Variants in SPTB observed in about 807,000 individuals in gnomAD.
The protein encoded by SPTB is spectrin beta, erythrocytic.
In SPTB, 45 loss-of-function variants were observed where a neutral mutation model predicts 256.2. That is an observed-to-expected ratio of 0.18 (90% CI 0.14 to 0.23). The LOEUF (loss-of-function observed/expected upper bound fraction) is 0.23, where lower values mean the gene tolerates loss of function less well. SPTB is among the 10% of genes least tolerant of loss of function. The pLI is 1.00. For missense variants in SPTB, 2,715 were observed against 3,040.4 expected (o/e 0.89, Z 2.52); for synonymous variants, 1,231 against 1,243.1 (o/e 0.99, Z 0.21).
Position 64,825,975 on chromosome 14 carries a change from GGTTTTT to G in SPTB, c.-51-2836_-51-2831del, listed in dbSNP as rs937595624. 1.6e-3 allele frequency among the ~76,000 whole-genome samples: 240 copies of G among 152,326 alleles called. No individual in the cohort carries two copies. The highest frequency in any genetic ancestry group is 5.3e-3 in the African/African-American group (221 of 41,568). On this transcript the variant is annotated intron_variant, in intron 1 of 35. Transcript: ENST00000644917. This position sits in a 1 kb window ranked among gnomAD's most constrained non-coding sequence, Gnocchi z 4.8. ...TGTGTGTCTAAATATACAGCTGGAG[GGTTTTT>G]GTTTTTGTTTTTGTTTTGGAAAGAG... is the stretch of plus-strand genomic sequence containing the variant.
intron 1 of SPTB, among the ~76,000 whole-genome samples, chr14:64,862,873 C>CAA (rs5809252): frequency 0.68 from 102,295 of 150,120 alleles, 35,748 homozygotes; most frequent in South Asian, 0.84. Flanking sequence ...ACAATAACAA[C>CAA]AAAAAAAAAC....
chr14:64,783,850 G>C (rs914427621), intron 19 of SPTB, among the ~76,000 whole-genome samples: 13 of 152,214 alleles, frequency 8.5e-5, no homozygotes, highest in African/African-American at 3.1e-4. Context: ...CCATCCAAAT[G>C]ATGAGGATTA....
rs1358320408 is a variant in SPTB at position 64,790,018 on chromosome 14, T to C, written c.2804+1701A>G. On this transcript the variant is annotated intron_variant, in intron 15 of 35. Coordinates refer to ENST00000644917, the MANE Select transcript of SPTB (RefSeq NM_001355436.2). This position sits in a 1 kb window ranked among gnomAD's most constrained non-coding sequence, Gnocchi z 4.8. The stretch of plus-strand genomic sequence containing the variant: ...GGAACCAGGGTAAGTGTGATATCTC[T>C]CAAGGGCAGAGCCAGAATCAATATG... 6.6e-6 allele frequency among the ~76,000 whole-genome samples: 1 copy of C among 152,104 alleles called. No individual in the cohort carries two copies. Among genetic ancestry groups the C allele is most frequent in the Non-Finnish European group, 1.5e-5 (1 of 68,018 alleles).
At chr14:64,870,637 T>G (rs1199298726) in intron 1 of SPTB, among the ~76,000 whole-genome samples, 1 of 152,264 alleles carries the variant, frequency 6.6e-6, no homozygotes, top group African/African-American at 2.4e-5. Flanking sequence ...CAAGTTCAGT[T>G]TGGCCCCCAA....
chr14:64,860,279 C>G (rs1044745130), intron 1 of SPTB, among the ~76,000 whole-genome samples: 1 of 152,228 alleles, frequency 6.6e-6, no homozygotes, highest in Non-Finnish European at 1.5e-5. Context: ...CTTTCACCCA[C>G]TCATTGAATG....
intron 23 of SPTB, among the ~76,000 whole-genome samples, chr14:64,774,852 A>G (rs577972055): frequency 6.6e-6 from 1 of 152,018 alleles, no homozygotes; most frequent in Non-Finnish European, 1.5e-5. Context: ...TCTCTTTCAT[A>G]GCGTACAGAA....
chr14:64,820,547 T>A (rs142192952), intron 2 of SPTB, among the ~76,000 whole-genome samples: 160 of 152,384 alleles, frequency 1.0e-3, no homozygotes, highest in African/African-American at 3.7e-3. Context: ...TACAATTCTA[T>A]GCTCTGTGGC....
Position 64,775,091 on chromosome 14 carries a change from G to A in SPTB, c.4842+34C>T, listed in dbSNP as rs1344792146. 2.5e-6 allele frequency: 4 copies of A among 1,613,626 alleles called. No homozygotes were observed. Among genetic ancestry groups the A allele is most frequent in the Non-Finnish European group, 3.4e-6 (4 of 1,180,014 alleles). On this transcript the variant is annotated intron_variant, in intron 23 of 35. Transcript: ENST00000644917. This position sits in a 1 kb window ranked among gnomAD's most constrained non-coding sequence, Gnocchi z 5.0. ...AACCTCAACTCTTCCTCTCTGCCTG[G>A]GCACCCTGGCTGGTATCCCCTGCCC...
intron 2 of SPTB, among the ~76,000 whole-genome samples, chr14:64,820,373 AC>A (rs1353369446): frequency 6.6e-6 from 1 of 152,156 alleles, no homozygotes; most frequent in Non-Finnish European, 1.5e-5. Flanking sequence ...CCCTATTTAG[AC>A]CTTTCCAAAG....
chr14:64,802,240 C>T lies in SPTB; in HGVS notation c.552G>A (p.Gln184=). Residue 184 remains glutamine (Q), a synonymous_variant, in exon 5 of 36, where the codon CAG becomes CAA. Transcript: ENST00000644917. This position sits in a 1 kb window ranked among gnomAD's most constrained non-coding sequence, Gnocchi z 5.1. The part of the protein sequence containing the change: ...SAKDALLLWC[Q]MKTAGYPHVN... ...CCAGGGCATACCCTGCCGTCTTCAT[C>T]TGACACCACAACAGCAACGCATCCT... The T allele has an allele frequency of 6.2e-7, 1 of 1,614,248 alleles. No individual in the cohort carries two copies. The highest frequency in any genetic ancestry group is 8.5e-7 in the Non-Finnish European group (1 of 1,180,042).
At position 64,791,741 on chromosome 14, in the gene SPTB, A is replaced by G. The variant is rs1207462803; in HGVS notation, c.2782T>C (p.Tyr928His). The change falls in exon 15 of 36, where the codon TAC becomes CAC. Residue 928 changes from tyrosine (Y) to histidine (H), a missense_variant. Physicochemically the swap from Tyr to His is moderately conservative, Grantham distance 83. Around this residue, in one of 4 missense-constraint regions of SPTB, gnomAD observed 2,239 missense variants for 2,384.4 expected, o/e 0.94. Transcript: ENST00000644917. Reference sequence around the variant, plus strand: ...CACCTGGTGTTCAGATGGTCCTGGTACTGCTTCACCTCCCTGCTGCGTGGG... The same window carrying G: ...CACCTGGTGTTCAGATGGTCCTGGTGCTGCTTCACCTCCCTGCTGCGTGGG... Reference protein sequence around the residue: ...GHPRSREVKQYQDHLNTRWQA... With the variant: ...GHPRSREVKQHQDHLNTRWQA... 8 of 1,613,984 alleles carry G rather than the reference A, an allele frequency of 5.0e-6. No homozygotes were observed. Among genetic ancestry groups the G allele is most frequent in the Non-Finnish European group, 6.8e-6 (8 of 1,180,016 alleles).
rs780033343 is a variant in SPTB, at chr14:64,775,259, G to T, written c.4708C>A (p.Arg1570=). 6.2e-7 allele frequency: 1 copy of T among 1,613,406 alleles called. No individual in the cohort carries two copies. Among genetic ancestry groups the T allele is most frequent in the East Asian group, 2.2e-5 (1 of 44,904 alleles). The change falls in exon 23 of 36, where the codon CGG becomes AGG. Residue 1570 remains arginine, a synonymous_variant. Coordinates refer to ENST00000644917, the MANE Select transcript of SPTB (RefSeq NM_001355436.2). This position sits in a 1 kb window ranked among gnomAD's most constrained non-coding sequence, Gnocchi z 5.0. ...GHLQSSWDRL[R]EAAAGRLQRL... ...TGCAGCCTCCCGGCCGCTGCCTCCC[G>T]CAGCCTGTCCCAGGAGCTCTGCAGG...
rs915081108 is a variant in SPTB, at chr14:64,794,003, G to C, written c.1796-136C>G. 5.6e-5 allele frequency: 42 copies of C among 744,044 alleles called. No individual in the cohort carries two copies. The South Asian group carries it at 8.0e-4, about 14-fold the overall frequency. 46.1% of individuals were successfully genotyped at this position (744,044 alleles called of 1,614,324 possible). A position where few individuals can be genotyped will look rare whatever the true frequency, so the allele number is the denominator to read the frequency against. Reference sequence around the variant, plus strand: ...CTGGGGCTTTGGGGTTGGATGCAGGGGGGTCCCAGTTGCTCAGAGGGTGGA... The same window carrying C: ...CTGGGGCTTTGGGGTTGGATGCAGGCGGGTCCCAGTTGCTCAGAGGGTGGA... On this transcript the variant is annotated intron_variant, in intron 13 of 35. Coordinates refer to ENST00000644917, the MANE Select transcript of SPTB (RefSeq NM_001355436.2).
chr14:64,765,042 G>GCA (rs367713771), intron 32 of SPTB, among the ~76,000 whole-genome samples: 57 of 121,852 alleles, frequency 4.7e-4, no homozygotes, highest in African/African-American at 1.6e-3. Flanking sequence ...GTGTGTGTGT[G>GCA]CGCGCGCGCG....
intron 1 of SPTB, among the ~76,000 whole-genome samples, chr14:64,865,451 G>C (rs74056080): frequency 6.6e-6 from 1 of 152,022 alleles, no homozygotes; most frequent in African/African-American, 2.4e-5. Flanking sequence ...GAACCCTTGG[G>C]ATCAACTCCG....
At chr14:64,874,207 C>G (rs1002346551) in intron 1 of SPTB, among the ~76,000 whole-genome samples, 3 of 152,176 alleles carry the variant, frequency 2.0e-5, no homozygotes, top group African/African-American at 7.2e-5. Flanking sequence ...AAGCCCCACT[C>G]GCAGGCCCCC....
At chr14:64,865,898 G>A (rs1227664668) in intron 1 of SPTB, among the ~76,000 whole-genome samples, 2 of 152,096 alleles carry the variant, frequency 1.3e-5, no homozygotes, top group African/African-American at 2.4e-5. Context: ...ACCCTCCTGC[G>A]TCAAGTTTAG....
At chr14:64,787,266 C>G (rs1003499744) in intron 15 of SPTB, 106 bp from the exon 16 acceptor site, 41 of 1,454,460 alleles carry the variant, frequency 2.8e-5, no homozygotes, top group Middle Eastern at 2.3e-4. Flanking sequence ...AGTCTCCCCC[C>G]ACAGACTTTG....
chr14:64,817,117 A>T (rs1407644342), intron 2 of SPTB, among the ~76,000 whole-genome samples: 4 of 152,202 alleles, frequency 2.6e-5, no homozygotes, highest in Non-Finnish European at 4.4e-5. Context: ...GAGGAAGAAT[A>T]GCTTTTATCA....
Sources: allele counts gnomAD v4.1 joint callset (sites outside exome capture counted in the v4.1 genomes callset), GRCh38; gene constraint gnomAD v4.1.1; regional missense constraint gnomAD v4.1.1; non-coding constraint Gnocchi (gnomAD v3.1); transcripts MANE v1.5; gene names NCBI Gene and HGNC (gene_info 2026-07-23, HGNC 2026-07-21).